MED13: variants seen among roughly 807,000 people sequenced by gnomAD.
The protein encoded by MED13 is mediator complex subunit 13.
Under a neutral mutation model 225.2 loss-of-function variants are expected in MED13, and 23 were observed. That is an observed-to-expected ratio of 0.10 (90% CI 0.07 to 0.14). MED13 has a LOEUF of 0.14. MED13 is among the 10% of genes least tolerant of loss of function. The pLI is 1.00. For synonymous variants in MED13, 942 were observed against 889.2 expected (o/e 1.06, Z -1.06); for missense variants, 2,197 against 2,594.5 (o/e 0.85, Z 3.33).
intron 3 of MED13, among the ~76,000 whole-genome samples, chr17:62,041,930 A>C (rs1048198410): frequency 1.3e-5 from 2 of 152,142 alleles, no homozygotes; most frequent in Admixed American, 6.6e-5. Context: ...CGTGAATTCA[A>C]AAGTTTCCAA....
intron 16 of MED13, among the ~76,000 whole-genome samples, chr17:61,976,306 G>A (rs1288657669): frequency 6.6e-6 from 1 of 152,186 alleles, no homozygotes; most frequent in Non-Finnish European, 1.5e-5. Flanking sequence ...AGTCACTGAA[G>A]ACCATACAGT....
At chr17:62,009,713 CT>C (rs1321354956) in intron 9 of MED13, among the ~76,000 whole-genome samples, 1 of 152,062 alleles carries the variant, frequency 6.6e-6, no homozygotes, top group Non-Finnish European at 1.5e-5. Context: ...TTGAAAATGG[CT>C]TTTAGATGTA....
chr17:61,962,427 T>C (rs543800170), intron 21 of MED13, among the ~76,000 whole-genome samples: 80 of 152,342 alleles, frequency 5.3e-4, no homozygotes, highest in African/African-American at 1.8e-3. Context: ...CTTTCTCCTT[T>C]TCTTGCAACC....
chr17:61,974,524 T>C (rs1450940694), intron 16 of MED13, among the ~76,000 whole-genome samples: 3 of 150,408 alleles, frequency 2.0e-5, no homozygotes, highest in Admixed American at 6.6e-5. Flanking sequence ...TTTTACTTAA[T>C]ATAACAAACC....
At chr17:62,062,597 ACAC>A (rs1443545734) in intron 2 of MED13, among the ~76,000 whole-genome samples, 3 of 62,828 alleles carry the variant, frequency 4.8e-5, no homozygotes, top group Non-Finnish European at 5.4e-5. Context: ...ACACACACAC[ACAC>A]CACACACACA....
intron 8 of MED13, among the ~76,000 whole-genome samples, chr17:62,021,591 G>C (rs2080648034): frequency 6.6e-6 from 1 of 152,228 alleles, no homozygotes; most frequent in Non-Finnish European, 1.5e-5. Flanking sequence ...TCTAATATCA[G>C]TAAATGTGCG....
At chr17:61,946,717 A>T (rs1029273322) in intron 29 of MED13, 117 bp from the exon 30 acceptor site, 45 of 1,309,216 alleles carry the variant, frequency 3.4e-5, no homozygotes, top group Middle Eastern at 1.9e-4. Context: ...TGTAACAGAG[A>T]GTCCTTGAGG....
At chr17:61,968,567 C>T (rs879498665) in intron 17 of MED13, among the ~76,000 whole-genome samples, 2 of 152,116 alleles carry the variant, frequency 1.3e-5, no homozygotes, top group South Asian at 2.1e-4. Flanking sequence ...ACCTTGTGTC[C>T]GCCCACCTCG....
chr17:61,970,740 T>TC (rs1220361255), intron 17 of MED13, among the ~76,000 whole-genome samples: 1 of 149,902 alleles, frequency 6.7e-6, no homozygotes, highest in East Asian at 1.9e-4. Flanking sequence ...TTTTTTTTTT[T>TC]TTCTTGAAAT....
At chr17:61,999,575 C>G (rs1460137563) in intron 9 of MED13, among the ~76,000 whole-genome samples, 8 of 152,200 alleles carry the variant, frequency 5.3e-5, no homozygotes, top group Admixed American at 5.2e-4. Context: ...TCCACTCCAA[C>G]CTCTCCTTCC....
At chr17:62,046,861 A>G (rs559816283) in intron 3 of MED13, among the ~76,000 whole-genome samples, 3 of 146,614 alleles carry the variant, frequency 2.0e-5, no homozygotes, top group African/African-American at 7.5e-5. Flanking sequence ...TATAATTTCA[A>G]TTTTTTTTTT....
intron 3 of MED13, among the ~76,000 whole-genome samples, chr17:62,036,612 T>G (rs1436164902): frequency 6.6e-6 from 1 of 152,218 alleles, no homozygotes; most frequent in Non-Finnish European, 1.5e-5. Flanking sequence ...GAATTTCTTC[T>G]GGATAAGCAG....
chr17:61,962,122 C>T (rs1237370248), intron 21 of MED13, among the ~76,000 whole-genome samples: 1 of 152,030 alleles, frequency 6.6e-6, no homozygotes, highest in Admixed American at 6.6e-5. Flanking sequence ...CCTGTCTCTA[C>T]TAAAAACACA....
At chr17:61,970,622 C>T (rs1020872516) in intron 17 of MED13, among the ~76,000 whole-genome samples, 4 of 123,962 alleles carry the variant, frequency 3.2e-5, no homozygotes, top group Admixed American at 1.1e-4. Context: ...GCAGAGGGTG[C>T]AGTGAGCTAA....
chr17:62,062,600 C>CACACCA (rs914034052), intron 2 of MED13, among the ~76,000 whole-genome samples: 15 of 136,200 alleles, frequency 1.1e-4, no homozygotes, highest in Middle Eastern at 3.2e-3. Flanking sequence ...CACACACACA[C>CACACCA]CACACACACA....
intron 3 of MED13, among the ~76,000 whole-genome samples, chr17:62,051,531 A>G (rs778354411): frequency 6.6e-6 from 1 of 152,222 alleles, no homozygotes; most frequent in Admixed American, 6.5e-5. Flanking sequence ...TTTTGTTAAC[A>G]ATAAAGGTTT....
intron 9 of MED13, among the ~76,000 whole-genome samples, chr17:62,008,091 G>A (rs1423978610): frequency 6.6e-6 from 1 of 150,452 alleles, no homozygotes; most frequent in African/African-American, 2.5e-5. Context: ...GCCGGGGCGG[G>A]CGGATCATGA....
At chr17:61,996,011 C>G (rs372121374) in intron 9 of MED13, among the ~76,000 whole-genome samples, 1 of 152,062 alleles carries the variant, frequency 6.6e-6, no homozygotes, top group East Asian at 1.9e-4. Flanking sequence ...AACACAGCAA[C>G]TAAGAAATTG....
chr17:61,995,025 C>T, intron 10 of MED13, 127 bp downstream of exon 10: 1 of 774,124 alleles, frequency 1.3e-6, no homozygotes, highest in Non-Finnish European at 2.0e-6. Flanking sequence ...ATAAGTTTTT[C>T]TAAATAAATG....
Sources: allele counts gnomAD v4.1 joint callset (sites outside exome capture counted in the v4.1 genomes callset), GRCh38; gene constraint gnomAD v4.1.1; transcripts MANE v1.5; gene names NCBI Gene and HGNC (gene_info 2026-07-23, HGNC 2026-07-21).